The following NAALADL2 variants were observed in gnomAD, a reference collection of about 807,000 sequenced individuals.
NAALADL2 encodes the protein inactive N-acetylated-alpha-linked acidic dipeptidase-like protein 2.
In NAALADL2, 76 loss-of-function variants were observed where a neutral mutation model predicts 87.2. The observed-to-expected ratio is 0.87, with a 90% CI of 0.72 to 1.05. NAALADL2 has a LOEUF of 1.05. NAALADL2 is among the 50% of genes least tolerant of loss of function. The pLI, the probability that NAALADL2 is intolerant of heterozygous loss-of-function variation, is 0.00. For missense variants in NAALADL2, 1,089 were observed against 945.8 expected (o/e 1.15, Z -1.99); for synonymous variants, 354 against 331.0 (o/e 1.07, Z -0.75).
chr3:175,781,268 A>G (rs2150213721), intron 13 of NAALADL2, among the ~76,000 whole-genome samples: 1 of 152,272 alleles, frequency 6.6e-6, no homozygotes, highest in African/African-American at 2.4e-5. Flanking sequence ...ACAAAAGCAA[A>G]TCTATGTTAT....
At chr3:174,563,703 A>G (rs2108517014) in intron 2 of NAALADL2, among the ~76,000 whole-genome samples, 1 of 152,142 alleles carries the variant, frequency 6.6e-6, no homozygotes, top group Middle Eastern at 3.4e-3. Context: ...TTTAAAATGT[A>G]TGTTTGTAGG....
intron 9 of NAALADL2, among the ~76,000 whole-genome samples, chr3:175,564,479 T>C (rs1716789847): frequency 6.6e-6 from 1 of 152,184 alleles, no homozygotes; most frequent in South Asian, 2.1e-4. Flanking sequence ...TTTTAATGCC[T>C]GGCAGCTGGA....
chr3:175,292,095 G>A (rs951265520), intron 4 of NAALADL2, among the ~76,000 whole-genome samples: 2 of 152,116 alleles, frequency 1.3e-5, no homozygotes, highest in Non-Finnish European at 2.9e-5. Context: ...ATTTTGAAAC[G>A]TGCTCTCTCT....
Position 175,332,344 on chromosome 3 carries a change from G to A in NAALADL2, c.1090+8019G>A, listed in dbSNP as rs532150457. ...AGTATATTACAAGCATATAGTAAAC[G>A]AAACAATACGGTATTGGTATAAAAA... On this transcript the variant is annotated intron_variant, in intron 5 of 13. Transcript: ENST00000454872. 5.3e-5 allele frequency among the ~76,000 whole-genome samples: 8 copies of A among 152,238 alleles called. No homozygotes were observed. In the East Asian group the frequency reaches 7.7e-4, roughly 15 times the overall value.
chr3:174,722,070 C>T (rs1194727062), intron 2 of NAALADL2, among the ~76,000 whole-genome samples: 1 of 152,134 alleles, frequency 6.6e-6, no homozygotes, highest in African/African-American at 2.4e-5. Flanking sequence ...ACTGCTTTCC[C>T]ACACTTTACT....
At chr3:175,057,380 G>A (rs1393783931) in intron 1 of NAALADL2, among the ~76,000 whole-genome samples, 1 of 152,140 alleles carries the variant, frequency 6.6e-6, no homozygotes, top group Non-Finnish European at 1.5e-5. Context: ...TAGAGCTCAA[G>A]ATAAATAGAT....
chr3:175,309,277 C>T (rs1053306508), intron 4 of NAALADL2, among the ~76,000 whole-genome samples: 1 of 152,154 alleles, frequency 6.6e-6, no homozygotes, highest in South Asian at 2.1e-4. Context: ...CCTCTACCTC[C>T]CGGGTTCAAG....
chr3:175,334,155 A>T (rs1295223861), intron 5 of NAALADL2, among the ~76,000 whole-genome samples: 2 of 152,168 alleles, frequency 1.3e-5, no homozygotes, highest in Non-Finnish European at 1.5e-5. Flanking sequence ...AGAAAAAGAT[A>T]TTTAGAATCA....
At chr3:174,804,387 A>G (rs968823715) in intron 3 of NAALADL2, among the ~76,000 whole-genome samples, 2 of 152,226 alleles carry the variant, frequency 1.3e-5, no homozygotes, top group Non-Finnish European at 2.9e-5. Flanking sequence ...GGGGTTTTCT[A>G]AATATACTAT....
intron 2 of NAALADL2, among the ~76,000 whole-genome samples, chr3:175,134,213 A>G (rs1370930706): frequency 6.6e-6 from 1 of 152,230 alleles, no homozygotes; most frequent in Non-Finnish European, 1.5e-5. Context: ...GCCATGTGAG[A>G]TATCAGTAAA....
intron 11 of NAALADL2, among the ~76,000 whole-genome samples, chr3:175,698,483 TTATA>T (rs34002597): frequency 0.028 from 1,921 of 67,738 alleles, 224 homozygotes; most frequent in Non-Finnish European, 0.037. Flanking sequence ...GTATATATAT[TTATA>T]TATATATATA....
At chr3:175,323,178 G>A (rs879474389) in intron 4 of NAALADL2, among the ~76,000 whole-genome samples, 25 of 150,298 alleles carry the variant, frequency 1.7e-4, no homozygotes, top group Admixed American at 3.3e-4. Context: ...ATGAGTTCAT[G>A]TCCTTTGTAG....
At chr3:175,434,829 G>A (rs532705344) in intron 5 of NAALADL2, among the ~76,000 whole-genome samples, 6 of 151,996 alleles carry the variant, frequency 3.9e-5, no homozygotes, top group Admixed American at 2.0e-4. Flanking sequence ...ATGTGCAGAT[G>A]GCCAATTATT....
chr3:175,275,648 T>C (rs1259332800), intron 4 of NAALADL2, among the ~76,000 whole-genome samples: 1 of 152,092 alleles, frequency 6.6e-6, no homozygotes, highest in East Asian at 1.9e-4. Context: ...AGGACACTTG[T>C]CTTATATGTA....
chr3:174,508,352 A>G (rs1719361676), intron 1 of NAALADL2, among the ~76,000 whole-genome samples: 1 of 151,942 alleles, frequency 6.6e-6, no homozygotes, highest in Admixed American at 6.6e-5. Flanking sequence ...TGACCTTGTG[A>G]TCCGCCCGTC....
chr3:175,447,443 A>T (rs1581927390), intron 6 of NAALADL2, 71 bp downstream of exon 6: 3 of 1,047,950 alleles, frequency 2.9e-6, no homozygotes, highest in Non-Finnish European at 4.0e-6. Context: ...TAATCTCCTA[A>T]ATTGATGTAT....
chr3:174,486,316 C>T (rs1717854204), intron 1 of NAALADL2, among the ~76,000 whole-genome samples: 1 of 152,054 alleles, frequency 6.6e-6, no homozygotes, highest in African/African-American at 2.4e-5. Context: ...CTTTTCTTCT[C>T]CCTCTTGGAG....
intron 2 of NAALADL2, among the ~76,000 whole-genome samples, chr3:174,671,198 A>G (rs186710521): frequency 6.6e-6 from 1 of 152,200 alleles, no homozygotes; most frequent in Non-Finnish European, 1.5e-5. Context: ...ATGCAAGAAT[A>G]GACTAATACA....
intron 13 of NAALADL2, chr3:175,775,146 T>A (rs933929244): frequency 3.3e-5 from 5 of 151,382 alleles, no homozygotes; most frequent in African/African-American, 4.9e-5. Context: ...GTTGGTGATG[T>A]TGTTACAGGT....
Sources: gnomAD v4.1 joint callset for allele counts (sites outside exome capture counted in the v4.1 genomes callset) on GRCh38, gnomAD v4.1.1 for gene constraint, MANE v1.5 for transcripts, NCBI Gene and HGNC (gene_info 2026-07-23, HGNC 2026-07-21) for gene names.